SPINK1: variants seen among roughly 807,000 people sequenced by gnomAD.
SPINK1 encodes serine protease inhibitor Kazal-type 1.
A neutral mutation model predicts 9.5 loss-of-function variants in SPINK1; 5 were observed. That is an observed-to-expected ratio of 0.52 (90% CI 0.27 to 1.10). The LOEUF (loss-of-function observed/expected upper bound fraction) is 1.10. Ranked by LOEUF, SPINK1 falls within the 50% of genes least tolerant of loss-of-function variation. The pLI is 0.11. For missense variants in SPINK1, 88 were observed against 92.7 expected (o/e 0.95, Z 0.21); for synonymous variants, 37 against 32.3 (o/e 1.14, Z -0.49).
chr5:147,838,284 G>T, the SPINK1 span, among the ~76,000 whole-genome samples: 2 of 152,190 alleles, frequency 1.3e-5, no homozygotes, highest in Non-Finnish European at 2.9e-5. Context: ...GAAGAATTCT[G>T]TAGCTAAAGG....
At chr5:147,826,457 A>G (rs997391895) in intron 3 of SPINK1, among the ~76,000 whole-genome samples, 1 of 152,240 alleles carries the variant, frequency 6.6e-6, no homozygotes, top group African/African-American at 2.4e-5. Flanking sequence ...AATAGAAAGA[A>G]TAAGCAGAAA....
intron 2 of SPINK1, 48 bp downstream of exon 2, chr5:147,829,551 T>C (rs1302261388): frequency 1.3e-6 from 2 of 1,592,624 alleles, no homozygotes; most frequent in African/African-American, 1.3e-5. Flanking sequence ...TTTTGTTGGA[T>C]CAAACTGTTC....
chr5:147,831,776 A>G, upstream of SPINK1: 1 of 1,430,522 alleles, frequency 7.0e-7, no homozygotes, highest in Non-Finnish European at 9.1e-7. Context: ...CACCTGTGTA[A>G]GAAAGGTGAA....
rs1232072031 is a variant in SPINK1 at position 147,831,658 on chromosome 5, G to A, written c.-81C>T. 5.0e-6 allele frequency: 8 copies of A among 1,591,094 alleles called. No individual in the cohort carries two copies. The highest frequency in any genetic ancestry group is 6.8e-6 in the Non-Finnish European group (8 of 1,170,542). ...TCTTCAGAAGCCTGGGACTGGAAGG[G>A]TCATATGGCAGATGGCAGCAAGGCC... On this transcript the variant is annotated 5_prime_UTR_variant, in exon 1 of 4. Coordinates refer to ENST00000296695, the MANE Select transcript of SPINK1 (RefSeq NM_001379610.1).
the SPINK1 span, among the ~76,000 whole-genome samples, chr5:147,836,813 A>G: frequency 8.5e-5 from 13 of 152,210 alleles, no homozygotes; most frequent in African/African-American, 3.1e-4. Context: ...TCCAGCCAGG[A>G]ATGAAACAAC....
chr5:147,836,734 A>T, the SPINK1 span, among the ~76,000 whole-genome samples: 1 of 152,128 alleles, frequency 6.6e-6, no homozygotes, highest in Admixed American at 6.5e-5. Flanking sequence ...TTTCTTGGTC[A>T]TTTCCCGCCA....
At chr5:147,828,992 T>A (rs1314219371) in intron 2 of SPINK1, among the ~76,000 whole-genome samples, 2 of 152,198 alleles carry the variant, frequency 1.3e-5, no homozygotes, top group Non-Finnish European at 2.9e-5. Flanking sequence ...GCAGAACTTT[T>A]TCATAACACT....
At position 147,828,473 on chromosome 5, in the gene SPINK1, C is replaced by A. The variant is rs113511958; in HGVS notation, c.88-345G>T. On this transcript the variant is annotated intron_variant, in intron 2 of 3. Coordinates refer to ENST00000296695, the MANE Select transcript of SPINK1 (RefSeq NM_001379610.1). Reference sequence around the variant, plus strand: ...ATAATGTTCAAGTTTGCAATTACTGCGGGTGCTGGCATCTCTCAGGTTGGC... The same window carrying A: ...ATAATGTTCAAGTTTGCAATTACTGAGGGTGCTGGCATCTCTCAGGTTGGC... Among the ~76,000 whole-genome samples the A allele has an allele frequency of 1.2e-4, 18 of 152,182 alleles. No homozygotes were observed. In the East Asian group the frequency reaches 3.3e-3, roughly 28 times the overall value.
upstream of SPINK1, among the ~76,000 whole-genome samples, chr5:147,833,176 T>G (rs1756537997): frequency 6.6e-6 from 1 of 152,150 alleles, no homozygotes; most frequent in Non-Finnish European, 1.5e-5. Context: ...GCAAAGGTTC[T>G]GAGGCTGACG....
chr5:147,824,799 A>T (rs762801234), intron 3 of SPINK1, 93 bp from the exon 4 acceptor site: 10 of 1,152,290 alleles, frequency 8.7e-6, no homozygotes, highest in Non-Finnish European at 1.3e-5. Context: ...TAACAGCTTC[A>T]TTTAAAGTTG....
chr5:147,832,557 T>C (rs547855746), upstream of SPINK1, among the ~76,000 whole-genome samples: 2 of 152,308 alleles, frequency 1.3e-5, no homozygotes, highest in South Asian at 4.1e-4. Flanking sequence ...AAGACCATGT[T>C]AATTGCCCTT....
the SPINK1 span, among the ~76,000 whole-genome samples, chr5:147,837,653 CT>C: frequency 1.6e-5 from 1 of 64,082 alleles, no homozygotes; most frequent in African/African-American, 6.0e-5. Flanking sequence ...AACTTCTTTT[CT>C]TTCTTTCTTT....
upstream of SPINK1, chr5:147,831,723 A>T (rs1311598481): frequency 5.9e-6 from 9 of 1,513,372 alleles, no homozygotes; most frequent in East Asian, 2.2e-4. Context: ...CTGGTTATTG[A>T]TTGACTCTGT....
intron 2 of SPINK1, among the ~76,000 whole-genome samples, chr5:147,828,735 A>G (rs1756456151): frequency 6.6e-6 from 1 of 152,214 alleles, no homozygotes; most frequent in Non-Finnish European, 1.5e-5. Flanking sequence ...ATTCTTCTTC[A>G]GGTGAAGATA....
At chr5:147,825,325 T>C (rs533567010) in intron 3 of SPINK1, among the ~76,000 whole-genome samples, 7 of 152,218 alleles carry the variant, frequency 4.6e-5, no homozygotes, top group Non-Finnish European at 1.0e-4. Flanking sequence ...GTCTTTAATT[T>C]TTCTAACCAT....
chr5:147,837,664 T>TCTTTCTTC, the SPINK1 span, among the ~76,000 whole-genome samples: 1 of 130,696 alleles, frequency 7.7e-6, no homozygotes, highest in African/African-American at 2.9e-5. Context: ...TTTCTTTCTT[T>TCTTTCTTC]CTTTCTTTCT....
chr5:147,838,930 GA>G, the SPINK1 span, among the ~76,000 whole-genome samples: 1 of 152,076 alleles, frequency 6.6e-6, no homozygotes, highest in Non-Finnish European at 1.5e-5. Context: ...GACCTGGATT[GA>G]TGACTTGATC....
the SPINK1 span, among the ~76,000 whole-genome samples, chr5:147,838,491 C>T: frequency 6.6e-6 from 1 of 152,068 alleles, no homozygotes; most frequent in African/African-American, 2.4e-5. Context: ...TTTATTCTTG[C>T]CAATTCATAT....
chr5:147,837,650 T>TTTCTTTCG, the SPINK1 span, among the ~76,000 whole-genome samples: 19 of 20,408 alleles, frequency 9.3e-4, no homozygotes, highest in Non-Finnish European at 1.1e-3. Context: ...ATTAACTTCT[T>TTTCTTTCG]TTCTTTCTTT....
Sources: gnomAD v4.1 joint callset for allele counts (sites outside exome capture counted in the v4.1 genomes callset) on GRCh38, gnomAD v4.1.1 for gene constraint, MANE v1.5 for transcripts, NCBI Gene and HGNC (gene_info 2026-07-23, HGNC 2026-07-21) for gene names.